CSMD3: variants seen among roughly 807,000 people sequenced by gnomAD.
CSMD3 encodes CUB and sushi domain-containing protein 3.
In CSMD3, 177 loss-of-function variants were observed where a neutral mutation model predicts 435.2. That is an observed-to-expected ratio of 0.41 (90% CI 0.36 to 0.46). CSMD3 has a LOEUF of 0.46. Among genes scored for constraint, CSMD3 ranks in the 20% least tolerant of loss-of-function variants. The pLI is 0.34. For synonymous variants in CSMD3, 1,656 were observed against 1,520.5 expected, an observed-to-expected ratio of 1.09 and a Z score of -2.07; for missense variants, 4,265 against 4,504.6, an observed-to-expected ratio of 0.95 and a Z score of 1.52.
rs1404765204 is a variant in CSMD3, at chr8:112,782,788, A to G, written c.1972+17374T>C. On this transcript the variant is annotated intron_variant, in intron 13 of 70. Coordinates refer to ENST00000297405, the MANE Select transcript of CSMD3 (RefSeq NM_198123.2). ...ACCTTACAGGCCGGGAAAGAGTGAC[A>G]TAACATATTTAAAGTGCTGAAAGAA... Among the ~76,000 whole-genome samples, 6 of 151,898 alleles carry G rather than the reference A, an allele frequency of 4.0e-5. No homozygotes were observed. The East Asian group carries it at 7.9e-4, about 20-fold the overall frequency.
At chr8:113,052,005 C>T (rs2088115543) in intron 5 of CSMD3, among the ~76,000 whole-genome samples, 1 of 152,044 alleles carries the variant, frequency 6.6e-6, no homozygotes, top group Non-Finnish European at 1.5e-5. Flanking sequence ...TTTTTTGTTT[C>T]CTATTAGTAG....
chr8:112,698,043 G>T (rs1354011238), intron 13 of CSMD3, among the ~76,000 whole-genome samples: 1 of 152,096 alleles, frequency 6.6e-6, no homozygotes, highest in African/African-American at 2.4e-5. Flanking sequence ...GGCACCAGAG[G>T]TTGAGGAGAT....
At chr8:112,310,676 C>T in intron 50 of CSMD3, 1 of 427,372 alleles carries the variant, frequency 2.3e-6, no homozygotes, top group East Asian at 5.3e-5. Flanking sequence ...GTCTTCCTCT[C>T]TTTCAATAAT....
Position 112,983,325 on chromosome 8 carries a change from A to G in CSMD3, c.1031-7177T>C, listed in dbSNP as rs117197708. Among the ~76,000 whole-genome samples, 311 of 151,770 alleles carry G rather than the reference A, an allele frequency of 2.0e-3. 1 individual carries two copies. The highest frequency in any genetic ancestry group is 3.3e-3 in the Non-Finnish European group (221 of 67,888). On this transcript the variant is annotated intron_variant, in intron 6 of 70. Transcript: ENST00000297405. ...TGACTGGCCTTTAAGTTTGGGACCT[A>G]TGGAAGTGTCATCATTTTTCATTAA...
intron 38 of CSMD3, among the ~76,000 whole-genome samples, chr8:112,369,793 T>C (rs961836557): frequency 6.6e-6 from 1 of 151,946 alleles, no homozygotes; most frequent in East Asian, 1.9e-4. Context: ...TACAGTTTGA[T>C]AGGTGCAGCA....
chr8:113,407,935 A>G (rs16884620), intron 1 of CSMD3, among the ~76,000 whole-genome samples: 1,899 of 152,288 alleles, frequency 0.012, 47 homozygotes, highest in African/African-American at 0.044. Context: ...AAGTACGCCT[A>G]GGACCGTAGT....
intron 5 of CSMD3, among the ~76,000 whole-genome samples, chr8:113,025,062 T>C (rs540483279): frequency 1.1e-3 from 168 of 152,070 alleles, no homozygotes; most frequent in Non-Finnish European, 1.7e-3. Context: ...TATTATTTCT[T>C]TTTTTTTAAG....
At chr8:112,458,926 G>A (rs543515617) in intron 32 of CSMD3, among the ~76,000 whole-genome samples, 4 of 152,132 alleles carry the variant, frequency 2.6e-5, no homozygotes, top group Non-Finnish European at 5.9e-5. Context: ...TAGAGACCAT[G>A]AATTACACTA....
At chr8:112,902,276 T>A (rs192640332) in intron 10 of CSMD3, among the ~76,000 whole-genome samples, 3 of 151,316 alleles carry the variant, frequency 2.0e-5, no homozygotes, top group Admixed American at 2.0e-4. Context: ...GTCTGACCCA[T>A]AGTTATTGTG....
intron 4 of CSMD3, among the ~76,000 whole-genome samples, chr8:113,105,241 A>G (rs74539006): frequency 0.024 from 3,616 of 152,248 alleles, 137 homozygotes; most frequent in African/African-American, 0.083. Flanking sequence ...GTCTATGAAG[A>G]ACTGTGATCT....
Position 112,819,785 on chromosome 8 carries a change from T to C in CSMD3, c.1859+9901A>G, listed in dbSNP as rs553708660. Reference sequence around the variant, plus strand: ...AGTGACGACATTGTACATGATGAAGTATTTATACTTTGATAGACTACACAA... The same window carrying C: ...AGTGACGACATTGTACATGATGAAGCATTTATACTTTGATAGACTACACAA... On this transcript the variant is annotated intron_variant, in intron 12 of 70. Transcript: ENST00000297405. 4.3e-3 allele frequency among the ~76,000 whole-genome samples: 654 copies of C among 152,284 alleles called. 1 individual carries two copies. The highest frequency in any genetic ancestry group is 0.014 in the African/African-American group (575 of 41,562).
At chr8:112,267,321 T>C (rs1201422174) in intron 59 of CSMD3, among the ~76,000 whole-genome samples, 2 of 152,114 alleles carry the variant, frequency 1.3e-5, no homozygotes, top group Admixed American at 6.6e-5. Flanking sequence ...GTTTGAGTGT[T>C]TCTTTCTCAA....
chr8:113,156,952 G>GAGAGAC (rs1336543908), intron 4 of CSMD3, among the ~76,000 whole-genome samples: 10 of 151,400 alleles, frequency 6.6e-5, no homozygotes, highest in Admixed American at 6.6e-4. Context: ...GAGAGAGAGA[G>GAGAGAC]AGAGACAGAG....
intron 1 of CSMD3, among the ~76,000 whole-genome samples, chr8:113,425,979 A>G (rs1451887541): frequency 1.5e-4 from 22 of 151,522 alleles, no homozygotes; most frequent in Non-Finnish European, 2.1e-4. Flanking sequence ...AGATTTCTCC[A>G]TATATGTGAA....
chr8:112,337,579 T>A lies in CSMD3; in HGVS notation c.6805A>T (p.Ser2269Cys), dbSNP rs370062882. 1 of 1,613,908 alleles carries A rather than the reference T, an allele frequency of 6.2e-7. No homozygotes were observed. Residue 2269 changes from serine to cysteine, a missense_variant, in exon 43 of 71, where the codon AGT becomes TGT. Physicochemically the swap from Ser to Cys is moderately radical, Grantham distance 112 (BLOSUM62 -1). Around this residue, in one of 3 missense-constraint regions of CSMD3, gnomAD observed 3,255 missense variants for 3,380.2 expected, o/e 0.96. Transcript: ENST00000297405. ...NSALTCLHGV[S>C]RNWNHPLPRC... ...GGAAGTGGATGATTCCAATTACGAC[T>A]GACTCCGTGAAGGCATGTGAGAGCT...
At chr8:112,672,184 T>C (rs1486202559) in intron 16 of CSMD3, among the ~76,000 whole-genome samples, 2 of 151,992 alleles carry the variant, frequency 1.3e-5, no homozygotes, top group African/African-American at 2.4e-5. Flanking sequence ...GGAGATGTTG[T>C]CAAAGAAGAG....
intron 37 of CSMD3, among the ~76,000 whole-genome samples, chr8:112,381,210 C>T (rs1005241193): frequency 6.6e-6 from 1 of 151,920 alleles, no homozygotes; most frequent in South Asian, 2.1e-4. Flanking sequence ...TTTCTTATAC[C>T]CTGACAGCAA....
chr8:113,393,955 G>C (rs1424370223), intron 1 of CSMD3, among the ~76,000 whole-genome samples: 1 of 151,960 alleles, frequency 6.6e-6, no homozygotes, highest in Non-Finnish European at 1.5e-5. Context: ...ATATCTTTAA[G>C]TATGTTATAA....
At chr8:113,203,422 C>CAG (rs2092735153) in intron 3 of CSMD3, among the ~76,000 whole-genome samples, 1 of 151,856 alleles carries the variant, frequency 6.6e-6, no homozygotes, top group Non-Finnish European at 1.5e-5. Context: ...ACCCTCTTGC[C>CAG]TGAGCCACCA....
Sources: gnomAD v4.1 joint callset for allele counts (sites outside exome capture counted in the v4.1 genomes callset) on GRCh38, gnomAD v4.1.1 for gene constraint, gnomAD v4.1.1 regional missense constraint, MANE v1.5 for transcripts, NCBI Gene and HGNC (gene_info 2026-07-23, HGNC 2026-07-21) for gene names.